The following PSMD5 variants were observed in gnomAD, a reference collection of about 807,000 sequenced individuals.
PSMD5 encodes proteasome 26S subunit, non-ATPase 5, also known as 26S proteasome non-ATPase regulatory subunit 5.
In PSMD5, 40 loss-of-function variants were observed where a neutral mutation model predicts 52.1. The observed-to-expected ratio is 0.77, with a 90% confidence interval of 0.60 to 1.00. The LOEUF is 1.00. Ranked by LOEUF, PSMD5 falls within the 50% of genes least tolerant of loss-of-function variation. The pLI is 0.00. For synonymous variants in PSMD5, 211 were observed against 226.6 expected (o/e 0.93, Z 0.62); for missense variants, 575 against 605.2 (o/e 0.95, Z 0.52).
At chr9:120,828,042 G>A (rs1271961749) in intron 5 of PSMD5, among the ~76,000 whole-genome samples, 1 of 152,156 alleles carries the variant, frequency 6.6e-6, no homozygotes, top group Non-Finnish European at 1.5e-5. Context: ...TGTTGCCCAG[G>A]CTGGAGTGCA....
At chr9:120,826,569 T>C in intron 6 of PSMD5, 196 bp downstream of exon 6, 2 of 583,364 alleles carry the variant, frequency 3.4e-6, no homozygotes, top group Non-Finnish European at 5.8e-6. Flanking sequence ...TTCATCAGGG[T>C]GGATGACCCT....
intron 2 of PSMD5, among the ~76,000 whole-genome samples, chr9:120,832,876 C>T (rs2045171091): frequency 6.6e-6 from 1 of 152,190 alleles, no homozygotes; most frequent in African/African-American, 2.4e-5. Flanking sequence ...GTTTAGTGAC[C>T]TTTACAATAG....
intron 7 of PSMD5, among the ~76,000 whole-genome samples, chr9:120,822,779 G>A (rs1285821916): frequency 2.0e-5 from 3 of 151,920 alleles, no homozygotes; most frequent in African/African-American, 4.8e-5. Flanking sequence ...TACCCACCTT[G>A]GCCTCCCAAA....
rs1259908332 is a variant in PSMD5, at chr9:120,826,947, A to G, written c.672-40T>C. The stretch of plus-strand genomic sequence containing the variant: ...GGACAAAAACAAGGAGATTTTGCAC[A>G]GGATTTGCATAGTTTATAAATTGCT... On this transcript the variant is annotated intron_variant, in intron 5 of 9. Coordinates refer to ENST00000210313, the MANE Select transcript of PSMD5 (RefSeq NM_005047.4). 4 of 1,581,662 alleles carry G rather than the reference A, an allele frequency of 2.5e-6. No individual in the cohort carries two copies. In the African/African-American group the frequency reaches 5.4e-5, roughly 21 times the overall value.
intron 1 of PSMD5, among the ~76,000 whole-genome samples, chr9:120,840,718 CAA>C (rs2045229138): frequency 6.7e-6 from 1 of 150,280 alleles, no homozygotes; most frequent in Non-Finnish European, 1.5e-5. Context: ...CTCCCAGGTT[CAA>C]GAGATTCTCC....
Position 120,824,537 on chromosome 9 carries a change from G to C in PSMD5, c.963C>G (p.Ile321Met), listed in dbSNP as rs2045109060. The change falls in exon 7 of 10, where the codon ATC (isoleucine) becomes ATG (methionine). Residue 321 changes from isoleucine to methionine, a missense_variant. Ile to Met is a conservative substitution (Grantham distance 10). Transcript: ENST00000210313. ...GTTTTCCTTCAACATTGGATCCCAAGATTCCAACTGTGTCTACAGCTACAC... is the reference window on the plus strand; with the variant it reads ...GTTTTCCTTCAACATTGGATCCCAACATTCCAACTGTGTCTACAGCTACAC... ...MIGVAVDTVG[I>M]LGSNVEGKQV... is the part of the protein sequence containing the mutation. 1.9e-6 allele frequency: 3 copies of C among 1,613,996 alleles called. No individual in the cohort carries two copies. The highest frequency in any genetic ancestry group is 2.5e-6 in the Non-Finnish European group (3 of 1,180,032).
chr9:120,831,851 T>G lies in PSMD5; in HGVS notation c.413A>C (p.Asn138Thr), dbSNP rs747970566. 8 of 1,613,162 alleles carry G rather than the reference T, an allele frequency of 5.0e-6. No homozygotes were observed. Among genetic ancestry groups the G allele is most frequent in the Non-Finnish European group, 6.8e-6 (8 of 1,179,768 alleles). Residue 138 changes from asparagine to threonine, a missense_variant, in exon 3 of 10, where the codon AAT (asparagine) becomes ACT (threonine). Coordinates refer to ENST00000210313, the MANE Select transcript of PSMD5 (RefSeq NM_005047.4). ...ACTCACCGCTTTTGCTACAGATAGA[T>G]TCTCTCCACCAATGCAATAAACAAT... ...KQIVYCIGGE[N>T]LSVAKAAIKS...
intron 1 of PSMD5, among the ~76,000 whole-genome samples, chr9:120,837,770 A>C (rs2045208266): frequency 6.6e-6 from 1 of 152,252 alleles, no homozygotes; most frequent in Admixed American, 6.5e-5. Flanking sequence ...AAGAGAAAAG[A>C]AAGAATATTT....
At position 120,817,978 on chromosome 9, in the gene PSMD5, G is replaced by A; in HGVS notation, c.1443C>T (p.Leu481=). 1 of 1,614,190 alleles carries A rather than the reference G, an allele frequency of 6.2e-7. No homozygotes were observed. Among genetic ancestry groups the A allele is most frequent in the Non-Finnish European group, 8.5e-7 (1 of 1,180,040 alleles). Residue 481 remains leucine, a synonymous_variant, in exon 10 of 10, where the codon CTC becomes CTT. Transcript: ENST00000210313. ...ATGGCCCTTCACTCAGGTAAGTTCT[G>A]AGCCTCAAATAATTTGGGTTCCCAA... ...EIFGNPNYLR[L]RTYLSEGPYY...
chr9:120,835,262 C>T (rs902849722), intron 1 of PSMD5, among the ~76,000 whole-genome samples: 4 of 152,102 alleles, frequency 2.6e-5, no homozygotes, highest in Admixed American at 2.6e-4. Context: ...GTGTTATGTG[C>T]ATATAATGAA....
intron 1 of PSMD5, among the ~76,000 whole-genome samples, chr9:120,840,067 C>T (rs2045223878): frequency 7.0e-6 from 1 of 142,412 alleles, no homozygotes. Flanking sequence ...GGCGAGGTTA[C>T]AGTGAGCTTA....
chr9:120,839,797 T>A (rs1054302847), intron 1 of PSMD5, among the ~76,000 whole-genome samples: 1 of 120,264 alleles, frequency 8.3e-6, no homozygotes, highest in Non-Finnish European at 1.7e-5. Flanking sequence ...GTTTTTTTAA[T>A]CTTTTTTTTT....
At chr9:120,822,988 C>G (rs1018941566) in intron 7 of PSMD5, among the ~76,000 whole-genome samples, 1 of 149,358 alleles carries the variant, frequency 6.7e-6, no homozygotes, top group African/African-American at 2.5e-5. Flanking sequence ...ACCACCACAG[C>G]TGGCTAATTT....
At chr9:120,836,365 A>C (rs1302171467) in intron 1 of PSMD5, among the ~76,000 whole-genome samples, 1 of 150,368 alleles carries the variant, frequency 6.7e-6, no homozygotes, top group African/African-American at 2.4e-5. Flanking sequence ...TTAATGTTGA[A>C]TATCTTTCTA....
At chr9:120,842,430 GA>G (rs1157807657) in intron 1 of PSMD5, 1 of 444,340 alleles carries the variant, frequency 2.3e-6, no homozygotes, top group Non-Finnish European at 4.0e-6. Context: ...AAGAGATGTG[GA>G]ATGCTCCTTG....
At chr9:120,818,756 GAA>G (rs962992130) in intron 9 of PSMD5, among the ~76,000 whole-genome samples, 7 of 117,880 alleles carry the variant, frequency 5.9e-5, no homozygotes, top group Admixed American at 8.6e-5. Flanking sequence ...ACATTGAAGA[GAA>G]AAAAAAAAAA....
chr9:120,824,303 CAAAAAA>C (rs35903891), intron 7 of PSMD5, 185 bp downstream of exon 7: 12 of 453,278 alleles, frequency 2.6e-5, no homozygotes, highest in African/African-American at 1.4e-4. Context: ...AGTGAAAAGT[CAAAAAA>C]AAAAAAAAAA....
intron 1 of PSMD5, among the ~76,000 whole-genome samples, chr9:120,834,530 A>G (rs535961984): frequency 7.9e-5 from 12 of 152,332 alleles, no homozygotes; most frequent in African/African-American, 2.6e-4. Flanking sequence ...GCAGAGAGGA[A>G]TAAGACATAG....
Position 120,829,216 on chromosome 9 carries a change from A to AT in PSMD5, c.562-9_562-8insA. ...AGAAATCTCTATAATTAGCTGAAAT[A>AT]AAAAAAAAAACACAGAAAAAAGAAA... On this transcript the variant is annotated splice_polypyrimidine_tract_variant and intron_variant, in intron 4 of 9. Coordinates refer to ENST00000210313, the MANE Select transcript of PSMD5 (RefSeq NM_005047.4). The AT allele has an allele frequency of 1.0e-6, 1 of 989,224 alleles. No individual in the cohort carries two copies. Among genetic ancestry groups the AT allele is most frequent in the Non-Finnish European group, 1.4e-6 (1 of 729,134 alleles). 61.3% of individuals were successfully genotyped at this position (989,224 alleles called of 1,614,324 possible). A position where few individuals can be genotyped will look rare whatever the true frequency, so the allele number is the denominator to read the frequency against.
Sources: allele counts gnomAD v4.1 joint callset (sites outside exome capture counted in the v4.1 genomes callset), GRCh38; gene constraint gnomAD v4.1.1; transcripts MANE v1.5; gene names NCBI Gene and HGNC (gene_info 2026-07-23, HGNC 2026-07-21).